Variants in TRIM3 observed in about 807,000 individuals in gnomAD.
TRIM3 encodes tripartite motif-containing protein 3.
A neutral mutation model predicts 66.6 loss-of-function variants in TRIM3; 13 were observed. The observed-to-expected ratio is 0.20, with a 90% CI of 0.13 to 0.31. The LOEUF (loss-of-function observed/expected upper bound fraction) is 0.31. Among genes scored for constraint, TRIM3 ranks in the 10% least tolerant of loss-of-function variants. The probability of loss-of-function intolerance (pLI) is 1.00; values close to 1 mark genes in which losing one functional copy is unlikely to be tolerated. For synonymous variants in TRIM3, 406 were observed against 411.7 expected (o/e 0.99, Z 0.17); for missense variants, 711 against 1,020.4 (o/e 0.70, Z 4.13).
rs187896522 is a variant in TRIM3 at position 6,468,992 on chromosome 11, G to A, written c.-37-3260C>T. On this transcript the variant is annotated intron_variant, in intron 1 of 11. Coordinates refer to ENST00000345851, the MANE Select transcript of TRIM3 (RefSeq NM_033278.4). Reference sequence around the variant, plus strand: ...TAGAGTGTGAAGGGCATGCCTGAAAGTATCCTCTGCTGATGTAGACACTGG... The same window carrying A: ...TAGAGTGTGAAGGGCATGCCTGAAAATATCCTCTGCTGATGTAGACACTGG... Among the ~76,000 whole-genome samples the A allele has an allele frequency of 1.3e-3, 202 of 152,360 alleles. 6 individuals are homozygous for A. The South Asian group carries it at 0.038, about 29-fold the overall frequency.
At chr11:6,464,199 T>C (rs1564972744) in intron 2 of TRIM3, among the ~76,000 whole-genome samples, 1 of 152,186 alleles carries the variant, frequency 6.6e-6, no homozygotes, top group Non-Finnish European at 1.5e-5. Context: ...AAGCCCTAGG[T>C]GGTCTGGCCT....
chr11:6,453,824 C>T (rs1160723217), intron 7 of TRIM3, among the ~76,000 whole-genome samples: 4 of 152,228 alleles, frequency 2.6e-5, no homozygotes, highest in African/African-American at 9.6e-5. Context: ...AGAAAACGGT[C>T]ATGTCGTGAG....
Position 6,456,044 on chromosome 11 carries a change from G to A in TRIM3, c.1533+28C>T, listed in dbSNP as rs951007054. On this transcript the variant is annotated intron_variant, in intron 7 of 11. Coordinates refer to ENST00000345851, the MANE Select transcript of TRIM3 (RefSeq NM_033278.4). This position sits in a 1 kb window ranked among gnomAD's most constrained non-coding sequence, Gnocchi z 6.4. ...GTAGCTTGAAAACTCTTATTTTGGT[G>A]GTGGAGGAGAGCGGTAAAGGTGCTT... 1 of 1,599,550 alleles carries A rather than the reference G, an allele frequency of 6.3e-7. No homozygotes were observed. Among genetic ancestry groups the A allele is most frequent in the Admixed American group, 1.7e-5 (1 of 59,948 alleles).
chr11:6,468,111 C>T (rs1204629489), intron 1 of TRIM3, among the ~76,000 whole-genome samples: 1 of 152,084 alleles, frequency 6.6e-6, no homozygotes, highest in Non-Finnish European at 1.5e-5. Flanking sequence ...TAATGAGACC[C>T]CATCTCTATA....
chr11:6,448,965 G>A lies in TRIM3; in HGVS notation c.*63C>T, dbSNP rs929350640. 7 of 1,594,986 alleles carry A rather than the reference G, an allele frequency of 4.4e-6. No individual in the cohort carries two copies. The highest frequency in any genetic ancestry group is 6.0e-6 in the Non-Finnish European group (7 of 1,164,846). ...CCAGGTCTGGCCCACCTCCCAGCCA[G>A]ACCCTCTTGTCCAATCACCCCAATG... On this transcript the variant is annotated 3_prime_UTR_variant, in exon 12 of 12. Coordinates refer to ENST00000345851, the MANE Select transcript of TRIM3 (RefSeq NM_033278.4).
At chr11:6,472,941 G>A (rs945047034) in intron 1 of TRIM3, 6 of 152,496 alleles carry the variant, frequency 3.9e-5, no homozygotes, top group Admixed American at 3.3e-4. Context: ...GACTGGCCAA[G>A]GGAGACCTGT....
chr11:6,454,039 A>G (rs1462775125), intron 7 of TRIM3, among the ~76,000 whole-genome samples: 1 of 152,156 alleles, frequency 6.6e-6, no homozygotes, highest in Non-Finnish European at 1.5e-5. Context: ...GGTGTTTGGA[A>G]GAGAGTGGAG....
intron 1 of TRIM3, among the ~76,000 whole-genome samples, chr11:6,468,963 T>G (rs1259402146): frequency 6.6e-6 from 1 of 152,168 alleles, no homozygotes; most frequent in Non-Finnish European, 1.5e-5. Flanking sequence ...AGGGTGGGCC[T>G]GGGTAGAGTG....
intron 2 of TRIM3, among the ~76,000 whole-genome samples, chr11:6,461,547 T>C (rs531895339): frequency 6.7e-6 from 1 of 149,576 alleles, no homozygotes; most frequent in African/African-American, 2.5e-5. Flanking sequence ...TCTTAATTCC[T>C]TGACCTTCTC....
chr11:6,451,507 T>C (rs540252196), intron 7 of TRIM3, 69 bp from the exon 8 acceptor site: 1 of 1,549,122 alleles, frequency 6.5e-7, no homozygotes. Context: ...CAGAAGGGAG[T>C]AGGATCCTGA....
chr11:6,451,094 T>A, intron 8 of TRIM3, 34 bp from the exon 9 acceptor site: 4 of 1,611,008 alleles, frequency 2.5e-6, no homozygotes, highest in Non-Finnish European at 3.4e-6. Flanking sequence ...GAGGCTTTAT[T>A]CTGACAGTGG....
Position 6,451,252 on chromosome 11 carries a change from G to A in TRIM3, c.1701+19C>T. ...TCAGCTGGACACCAGGGTAAGTAAA[G>A]TGACAGCAGGCCTCTCACCTTGAAC... On this transcript the variant is annotated intron_variant, in intron 8 of 11. Coordinates refer to ENST00000345851, the MANE Select transcript of TRIM3 (RefSeq NM_033278.4). 1 of 1,613,966 alleles carries A rather than the reference G, an allele frequency of 6.2e-7. No homozygotes were observed.
intron 2 of TRIM3, among the ~76,000 whole-genome samples, chr11:6,463,575 G>C (rs1850328785): frequency 6.6e-6 from 1 of 152,222 alleles, no homozygotes; most frequent in South Asian, 2.1e-4. Context: ...ACAGGGTCCA[G>C]GATGGGCAGG....
At chr11:6,471,219 A>C (rs1394639642) in intron 1 of TRIM3, among the ~76,000 whole-genome samples, 2 of 152,252 alleles carry the variant, frequency 1.3e-5, no homozygotes, top group Non-Finnish European at 2.9e-5. Context: ...TGAGTTACAC[A>C]GTTGTGAATG....
chr11:6,471,717 G>A (rs58804533), intron 1 of TRIM3, among the ~76,000 whole-genome samples: 28,067 of 152,168 alleles, frequency 0.18, 2,780 homozygotes, highest in African/African-American at 0.25. Context: ...TGCTACAGCA[G>A]CAAACTGGAG....
At position 6,456,211 on chromosome 11, in the gene TRIM3, C is replaced by A; in HGVS notation, c.1430-36G>T. 1 of 1,611,200 alleles carries A rather than the reference C, an allele frequency of 6.2e-7. No individual in the cohort carries two copies. The highest frequency in any genetic ancestry group is 8.5e-7 in the Non-Finnish European group (1 of 1,177,722). On this transcript the variant is annotated intron_variant, in intron 6 of 11. Coordinates refer to ENST00000345851, the MANE Select transcript of TRIM3 (RefSeq NM_033278.4). This position sits in a 1 kb window ranked among gnomAD's most constrained non-coding sequence, Gnocchi z 6.4. The stretch of plus-strand genomic sequence containing the variant: ...GGACAGGAGGGAAAACAAAATAATT[C>A]ATTCAGAGGTCATCTTGAACCTCCC...
At chr11:6,461,082 T>G (rs1850215980) in intron 2 of TRIM3, among the ~76,000 whole-genome samples, 1 of 151,958 alleles carries the variant, frequency 6.6e-6, no homozygotes, top group South Asian at 2.1e-4. Context: ...ATTTTTGTAT[T>G]TTTAGTAGAG....
Position 6,450,894 on chromosome 11 carries a change from G to A in TRIM3, c.1868C>T (p.Ala623Val). The A allele has an allele frequency of 1.2e-6, 2 of 1,614,146 alleles. No homozygotes were observed. The highest frequency in any genetic ancestry group is 1.7e-6 in the Non-Finnish European group (2 of 1,180,012). The change falls in exon 9 of 12, where the codon GCA (alanine) becomes GTA (valine). Residue 623 changes from alanine to valine, a missense_variant and splice_region_variant. Coordinates refer to ENST00000345851, the MANE Select transcript of TRIM3 (RefSeq NM_033278.4). The surrounding 1 kb of genome is among the most constrained non-coding windows in gnomAD (Gnocchi z 4.8). ...GGRGATDRHF[A>V]GPHFVAVNNK... is the part of the protein sequence containing the mutation. ...ATCTTGGAGCTGTCCCCCTATACCT[G>A]CAAAGTGGCGGTCAGTGGCCCCACG...
intron 8 of TRIM3, 39 bp from the exon 9 acceptor site, chr11:6,451,099 C>T (rs751874039): frequency 1.2e-6 from 2 of 1,610,468 alleles, no homozygotes; most frequent in South Asian, 2.2e-5. Flanking sequence ...TTTATTCTGA[C>T]AGTGGGGAAA....
Sources: gnomAD v4.1 joint callset for allele counts (sites outside exome capture counted in the v4.1 genomes callset) on GRCh38, gnomAD v4.1.1 for gene constraint, Gnocchi (gnomAD v3.1) non-coding constraint, MANE v1.5 for transcripts, NCBI Gene and HGNC (gene_info 2026-07-23, HGNC 2026-07-21) for gene names.